The following CD36 variants were observed in gnomAD, a reference collection of about 807,000 sequenced individuals.
CD36 encodes CD36 molecule (CD36 blood group), also known as platelet glycoprotein 4.
CD36 carries 119 observed loss-of-function variants against 55.2 expected under a neutral mutation model. The ratio of observed to expected loss-of-function variants is 2.15; its 90% CI spans 1.86 to 2.51. The LOEUF (loss-of-function observed/expected upper bound fraction) is 2.51, where lower values mean the gene tolerates loss of function less well. Ranked by LOEUF, CD36 falls within the 30% of genes most tolerant of loss-of-function variation. CD36 has a pLI of 0.00. For synonymous variants in CD36, 186 were observed against 193.6 expected (o/e 0.96, Z 0.33); for missense variants, 819 against 555.5 (o/e 1.47, Z -4.77).
At chr7:80,629,699 G>A (rs762733512) in intron 1 of CD36, among the ~76,000 whole-genome samples, 4 of 152,014 alleles carry the variant, frequency 2.6e-5, no homozygotes, top group Non-Finnish European at 5.9e-5. Flanking sequence ...TTAGCCCTTA[G>A]AGGTTATAAT....
At chr7:80,604,200 G>A (rs1792404029) in intron 1 of CD36, among the ~76,000 whole-genome samples, 1 of 151,806 alleles carries the variant, frequency 6.6e-6, no homozygotes, top group African/African-American at 2.4e-5. Context: ...ATCCACAGTG[G>A]TTCAATCACA....
chr7:80,608,801 C>A (rs6968407), intron 1 of CD36, among the ~76,000 whole-genome samples: 50,511 of 151,914 alleles, frequency 0.33, 8,651 homozygotes, highest in South Asian at 0.46. Context: ...CTGAGACTTA[C>A]GATTTTTTCC....
At position 80,610,643 on chromosome 7, in the gene CD36, C is replaced by T. The variant is rs147740311; in HGVS notation, c.-184+8264C>T. 1.1e-3 allele frequency among the ~76,000 whole-genome samples: 167 copies of T among 152,138 alleles called. 3 individuals carry two copies. The East Asian group carries it at 0.029, about 26-fold the overall frequency. ...AGGCTGCAGGGCGGTGGCGTGATCT[C>T]GGCTCACTGCAACCTCTGGCTCCTG... On this transcript the variant is annotated intron_variant, in intron 1 of 13. Transcript: ENST00000309881.
chr7:80,673,769 G>T lies in CD36; in HGVS notation c.1255-214G>T, dbSNP rs1797965592. 6.7e-6 allele frequency: 4 copies of T among 593,082 alleles called. No homozygotes were observed. In the South Asian group the frequency reaches 8.1e-5, roughly 12 times the overall value. The allele number at this position is 593,082 out of a possible 1,614,324, so 36.7% of individuals were successfully genotyped here. Reference sequence around the variant, plus strand: ...CTGTTGACCCTTTGATAGTTCTGAAGAGCAAATGAATCCTAGTACATTGAA... The same window carrying T: ...CTGTTGACCCTTTGATAGTTCTGAATAGCAAATGAATCCTAGTACATTGAA... On this transcript the variant is annotated intron_variant, in intron 13 of 14. Transcript: ENST00000447544.
At chr7:80,604,094 C>CT (rs1792396776) in intron 1 of CD36, among the ~76,000 whole-genome samples, 2 of 152,010 alleles carry the variant, frequency 1.3e-5, no homozygotes, top group South Asian at 4.2e-4. Flanking sequence ...CAACAGGTTA[C>CT]TTTATTGCCA....
intron 13 of CD36, chr7:80,673,668 A>AT (rs995434263): frequency 2.1e-5 from 12 of 559,756 alleles, no homozygotes; most frequent in Non-Finnish European, 3.5e-5. Flanking sequence ...CTGACAAGGT[A>AT]TTTTTACTAT....
chr7:80,602,796 A>T (rs1484839713), intron 1 of CD36, among the ~76,000 whole-genome samples: 1 of 152,138 alleles, frequency 6.6e-6, no homozygotes, highest in Non-Finnish European at 1.5e-5. Flanking sequence ...TGCTCTAAAA[A>T]TCTGGCCAAT....
At chr7:80,674,259 T>G in intron 14 of CD36, 112 bp downstream of exon 14, 81 of 697,986 alleles carry the variant, frequency 1.2e-4, no homozygotes, top group Non-Finnish European at 1.6e-4. Context: ...TAGACATGTC[T>G]AGCCACTGAT....
At chr7:80,623,544 G>A (rs766905843) in intron 1 of CD36, among the ~76,000 whole-genome samples, 10 of 151,978 alleles carry the variant, frequency 6.6e-5, no homozygotes, top group Non-Finnish European at 1.5e-4. Context: ...TAATTTATTT[G>A]ATTTGTGTTG....
rs1247674768 is a variant in CD36, at chr7:80,677,593, A to AAGAT, written c.*1212_*1215dup. On this transcript the variant is annotated 3_prime_UTR_variant, in exon 15 of 15. Transcript: ENST00000447544. ...CTTAGTGCCTTTCCTTTTAACTGGG[A>AAGAT]AGATAAAAGAAGTATCTGTCCAAGA... 1.3e-5 allele frequency: 2 copies of AAGAT among 152,194 alleles called. No individual in the cohort carries two copies. The highest frequency in any genetic ancestry group is 4.8e-5 in the African/African-American group (2 of 41,450). 9.4% of individuals were successfully genotyped at this position (152,194 alleles called of 1,614,324 possible).
At chr7:80,654,261 TAA>T (rs1795843389) in intron 3 of CD36, among the ~76,000 whole-genome samples, 1 of 152,198 alleles carries the variant, frequency 6.6e-6, no homozygotes, top group Admixed American at 6.6e-5. Flanking sequence ...TTCAATTCTA[TAA>T]GAGTTTGTTG....
intron 3 of CD36, among the ~76,000 whole-genome samples, chr7:80,650,927 C>CAGA (rs367918733): frequency 1.6e-4 from 21 of 133,530 alleles, no homozygotes; most frequent in Admixed American, 1.1e-3. Flanking sequence ...TGCAGTCTTT[C>CAGA]AAAAAAAAAA....
At chr7:80,639,485 G>T (rs891521270) in intron 1 of CD36, among the ~76,000 whole-genome samples, 1 of 151,814 alleles carries the variant, frequency 6.6e-6, no homozygotes. Flanking sequence ...ATGCCAAGTT[G>T]AAGTAAAGGA....
At chr7:80,638,201 A>G (rs1794553083), upstream of CD36, among the ~76,000 whole-genome samples, 1 of 151,952 alleles carries the variant, frequency 6.6e-6, no homozygotes, top group Admixed American at 6.6e-5. Context: ...GCTGTATAAA[A>G]AAGTACATTA....
chr7:80,648,936 G>A (rs1423612566), intron 3 of CD36, among the ~76,000 whole-genome samples: 1 of 152,070 alleles, frequency 6.6e-6, no homozygotes, highest in Admixed American at 6.6e-5. Context: ...CATAATACTG[G>A]ATTAACAGCA....
chr7:80,639,441 C>A (rs1221228295), intron 1 of CD36, among the ~76,000 whole-genome samples: 1 of 151,568 alleles, frequency 6.6e-6, no homozygotes, highest in Non-Finnish European at 1.5e-5. Flanking sequence ...ATTCAGGAAG[C>A]TTATTACAAA....
At chr7:80,657,665 T>G (rs1796198165) in intron 4 of CD36, among the ~76,000 whole-genome samples, 2 of 151,844 alleles carry the variant, frequency 1.3e-5, no homozygotes, top group Admixed American at 1.3e-4. Context: ...TCTTTTTCAC[T>G]AAAAAGGGAA....
intron 1 of CD36, among the ~76,000 whole-genome samples, chr7:80,619,355 T>C (rs201234864): frequency 2.3e-4 from 35 of 152,230 alleles, no homozygotes; most frequent in East Asian, 1.5e-3. Flanking sequence ...ACAACATCAG[T>C]TTTATAGCCC....
rs371551921 is a variant in CD36, at chr7:80,661,187, A to G, written c.406A>G (p.Thr136Ala). The change falls in exon 5 of 15, where the codon ACA becomes GCA. Residue 136 changes from threonine to alanine, a missense_variant. Coordinates refer to ENST00000447544, the MANE Select transcript of CD36 (RefSeq NM_001001548.3). Reference sequence around the variant, plus strand: ...AGTTGGAACAGAGGCTGACAACTTCACAGTTCTCAATCTGGCTGTGGCAGT... The same window carrying G: ...AGTTGGAACAGAGGCTGACAACTTCGCAGTTCTCAATCTGGCTGTGGCAGT... ...LSVGTEADNF[T>A]VLNLAVAAAS... The G allele has an allele frequency of 1.2e-6, 2 of 1,613,886 alleles. No individual in the cohort carries two copies. Among genetic ancestry groups the G allele is most frequent in the East Asian group, 2.2e-5 (1 of 44,848 alleles).
Sources: gnomAD v4.1 joint callset for allele counts (sites outside exome capture counted in the v4.1 genomes callset) on GRCh38, gnomAD v4.1.1 for gene constraint, MANE v1.5 for transcripts, NCBI Gene and HGNC (gene_info 2026-07-23, HGNC 2026-07-21) for gene names.